Variants in AK1 observed in about 807,000 individuals in gnomAD.
AK1 encodes adenylate kinase isoenzyme 1.
Under a neutral mutation model 23.9 loss-of-function variants are expected in AK1, and 13 were observed. The ratio of observed to expected loss-of-function variants is 0.54; its 90% CI spans 0.35 to 0.86. AK1 has a LOEUF of 0.86. AK1 is among the 40% of genes least tolerant of loss of function. The pLI is 0.01. For synonymous variants in AK1, 97 were observed against 102.8 expected (o/e 0.94, Z 0.34); for missense variants, 214 against 255.1 (o/e 0.84, Z 1.10).
rs1405889239 is a variant in AK1 at position 127,875,175 on chromosome 9, A to G, written c.-32-526T>C. Reference sequence around the variant, plus strand: ...AGAGGCCTGGGGTGAAGGAATCTACAGGAGCCGCTCGCATGAACACAGCCC... The same window carrying G: ...AGAGGCCTGGGGTGAAGGAATCTACGGGAGCCGCTCGCATGAACACAGCCC... On this transcript the variant is annotated intron_variant, in intron 1 of 6. Coordinates refer to ENST00000644144, the MANE Select transcript of AK1 (RefSeq NM_000476.3). Among the ~76,000 whole-genome samples the G allele has an allele frequency of 2.0e-5, 3 of 152,084 alleles. No individual in the cohort carries two copies. In the East Asian group the frequency reaches 5.8e-4, roughly 29 times the overall value.
rs753177103 is a variant in AK1, at chr9:127,871,939, C to T, written c.208G>A (p.Glu70Lys). 2 of 1,613,318 alleles carry T rather than the reference C, an allele frequency of 1.2e-6. No homozygotes were observed. Among genetic ancestry groups the T allele is most frequent in the Non-Finnish European group, 1.7e-6 (2 of 1,179,382 alleles). The change falls in exon 5 of 7, where the codon GAG becomes AAG. Residue 70 changes from glutamate (E) to lysine (K), a missense_variant and splice_region_variant. By Grantham distance (56) the Glu-to-Lys change is moderately conservative (BLOSUM62 1). Coordinates refer to ENST00000644144, the MANE Select transcript of AK1 (RefSeq NM_000476.3). The surrounding 1 kb of genome is among the most constrained non-coding windows in gnomAD (Gnocchi z 4.4). The part of the protein sequence containing the change: ...IMEKGQLVPL[E>K]TVLDMLRDAM... ...TCCCGGAGCATGTCCAACACTGTCT[C>T]CTGGGGCACAGCAAAGGAGGAAGGG...
chr9:127,873,880 C>T, intron 2 of AK1: 1 of 985,392 alleles, frequency 1.0e-6, no homozygotes. Context: ...GTTCTCTGCC[C>T]CTTCCCCAGG....
Position 127,868,193 on chromosome 9 carries a change from C to T in AK1, c.517-117G>A. ...GAGCCCAACCTAATTGACAGCAGCC[C>T]CTCATTGAACCAGTGGGGAAACCAA... On this transcript the variant is annotated intron_variant, in intron 6 of 6. Transcript: ENST00000644144. This position sits in a 1 kb window ranked among gnomAD's most constrained non-coding sequence, Gnocchi z 4.1. 6.9e-7 allele frequency: 1 copy of T among 1,446,112 alleles called. No homozygotes were observed. The highest frequency in any genetic ancestry group is 2.4e-5 in the East Asian group (1 of 41,462). 89.6% of individuals were successfully genotyped at this position (1,446,112 alleles called of 1,614,324 possible). A position where few individuals can be genotyped will look rare whatever the true frequency, so the allele number is the denominator to read the frequency against.
chr9:127,874,238 C>A, intron 2 of AK1: 1 of 985,364 alleles, frequency 1.0e-6, no homozygotes, highest in Non-Finnish European at 1.2e-6. Flanking sequence ...TCAAGGCCCA[C>A]CCTCACTGGA....
chr9:127,879,100 C>CAG (rs1491480329), upstream of AK1, among the ~76,000 whole-genome samples: 418 of 145,972 alleles, frequency 2.9e-3, 2 homozygotes, highest in Admixed American at 6.9e-3. Context: ...CACACACACA[C>CAG]AGTCTTCAAA....
rs370906551 is a variant in AK1, at chr9:127,870,130, A to G, written c.325-1618T>C. 9.9e-5 allele frequency among the ~76,000 whole-genome samples: 15 copies of G among 151,908 alleles called. 1 individual carries two copies. In the East Asian group the frequency reaches 2.9e-3, roughly 29 times the overall value. On this transcript the variant is annotated intron_variant, in intron 5 of 6. Coordinates refer to ENST00000644144, the MANE Select transcript of AK1 (RefSeq NM_000476.3). ...AGCTGCCCGGACACCTGGAGGCCAC[A>G]GCAGGGATGGGACCAGGGCTGAGCC...
intron 1 of AK1, among the ~76,000 whole-genome samples, chr9:127,875,481 A>G (rs1374354442): frequency 7.7e-6 from 1 of 130,050 alleles, no homozygotes; most frequent in Non-Finnish European, 1.6e-5. Flanking sequence ...CCCCAAGGCC[A>G]CTCGCAACCA....
Position 127,868,600 on chromosome 9 carries a change from G to A in AK1, c.325-88C>T. 2 of 1,449,000 alleles carry A rather than the reference G, an allele frequency of 1.4e-6. No homozygotes were observed. The highest frequency in any genetic ancestry group is 9.4e-7 in the Non-Finnish European group (1 of 1,063,988). The allele number at this position is 1,449,000 out of a possible 1,614,324, so 89.8% of individuals were successfully genotyped here. On this transcript the variant is annotated intron_variant, in intron 5 of 6. Transcript: ENST00000644144. The surrounding 1 kb of genome is among the most constrained non-coding windows in gnomAD (Gnocchi z 4.1). ...TCTTCCCATCTATGAAGCCCCAGTA[G>A]ATACCCCCTCAGACCTTCAATCCCT...
Position 127,868,750 on chromosome 9 carries a change from G to A in AK1, c.325-238C>T, listed in dbSNP as rs990776518. 2.0e-5 allele frequency among the ~76,000 whole-genome samples: 3 copies of A among 152,152 alleles called. No homozygotes were observed. The highest frequency in any genetic ancestry group is 4.4e-5 in the Non-Finnish European group (3 of 68,020). On this transcript the variant is annotated intron_variant, in intron 5 of 6. Transcript: ENST00000644144. The surrounding 1 kb of genome is among the most constrained non-coding windows in gnomAD (Gnocchi z 4.1). ...CCACACTACTTGCCAGACTGAGAGA[G>A]CCTGACTCTCTCTGCTCTAGGCTCT...
chr9:127,870,835 G>GCATGGGGATGGGA (rs1829386389), intron 5 of AK1, among the ~76,000 whole-genome samples: 2 of 70,088 alleles, frequency 2.9e-5, no homozygotes, highest in African/African-American at 8.2e-5. Context: ...TGGGAATGGG[G>GCATGGGGATGGGA]CATGGGGATG....
Position 127,866,729 on chromosome 9 carries a change from G to C in AK1, c.*1279C>G, listed in dbSNP as rs1331126718. The C allele has an allele frequency of 1.3e-5, 2 of 152,368 alleles. No individual in the cohort carries two copies. Among genetic ancestry groups the C allele is most frequent in the South Asian group, 2.1e-4 (1 of 4,822 alleles). The allele number at this position is 152,368 out of a possible 1,614,324, so 9.4% of individuals were successfully genotyped here. On this transcript the variant is annotated 3_prime_UTR_variant, in exon 7 of 7. Transcript: ENST00000644144. Reference sequence around the variant, plus strand: ...TCAAAAAATGAAAGCGCGCAGGAAGGGTTCTCCCCAGGGGATTCTGGGGTG... The same window carrying C: ...TCAAAAAATGAAAGCGCGCAGGAAGCGTTCTCCCCAGGGGATTCTGGGGTG...
Position 127,868,601 on chromosome 9 carries a change from A to C in AK1, c.325-89T>G. The C allele has an allele frequency of 3.5e-6, 5 of 1,440,210 alleles. No individual in the cohort carries two copies. The highest frequency in any genetic ancestry group is 4.7e-6 in the Non-Finnish European group (5 of 1,056,416). 89.2% of individuals were successfully genotyped at this position (1,440,210 alleles called of 1,614,324 possible). On this transcript the variant is annotated intron_variant, in intron 5 of 6. Coordinates refer to ENST00000644144, the MANE Select transcript of AK1 (RefSeq NM_000476.3). This position sits in a 1 kb window ranked among gnomAD's most constrained non-coding sequence, Gnocchi z 4.1. Reference sequence around the variant, plus strand: ...CTTCCCATCTATGAAGCCCCAGTAGATACCCCCTCAGACCTTCAATCCCTT... The same window carrying C: ...CTTCCCATCTATGAAGCCCCAGTAGCTACCCCCTCAGACCTTCAATCCCTT...
At chr9:127,874,503 C>G in intron 2 of AK1, 108 bp downstream of exon 2, 1 of 1,608,142 alleles carries the variant, frequency 6.2e-7, no homozygotes. Context: ...TCCGGCAGCC[C>G]CAGAGCCTCC....
At chr9:127,875,137 T>A (rs1665543692) in intron 1 of AK1, 1 of 217,260 alleles carries the variant, frequency 4.6e-6, no homozygotes, top group Non-Finnish European at 9.4e-6. Flanking sequence ...TGGATGGGGA[T>A]CCTCTAAGGG....
chr9:127,876,279 T>C (rs1174265542), intron 1 of AK1, among the ~76,000 whole-genome samples: 1 of 152,204 alleles, frequency 6.6e-6, no homozygotes, highest in Non-Finnish European at 1.5e-5. Flanking sequence ...TGGGCCCCTC[T>C]TCTGTGCTGC....
chr9:127,874,490 C>T, intron 2 of AK1, 121 bp downstream of exon 2: 1 of 1,603,880 alleles, frequency 6.2e-7, no homozygotes, highest in Non-Finnish European at 8.5e-7. Context: ...CAGCCAGGCC[C>T]CCTCCGGCAG....
intron 4 of AK1, 107 bp downstream of exon 4, chr9:127,872,583 G>T: frequency 1.4e-6 from 2 of 1,457,976 alleles, no homozygotes; most frequent in Non-Finnish European, 1.9e-6. Context: ...GGAGCCGGGG[G>T]CGGTTACGGT....
intron 2 of AK1, chr9:127,873,633 C>G: frequency 2.8e-6 from 4 of 1,409,848 alleles, no homozygotes; most frequent in Non-Finnish European, 3.7e-6. Flanking sequence ...GGGCGGTGAG[C>G]TTGGCTCCAA....
chr9:127,871,782 G>T lies in AK1; in HGVS notation c.324+41C>A. On this transcript the variant is annotated intron_variant, in intron 5 of 6. Coordinates refer to ENST00000644144, the MANE Select transcript of AK1 (RefSeq NM_000476.3). The surrounding 1 kb of genome is among the most constrained non-coding windows in gnomAD (Gnocchi z 4.4). ...CCCATGGGGATGGGAGTCTTATCCT[G>T]CCCCAGCCCACCAGGATCCCCACTT... 6.4e-7 allele frequency: 1 copy of T among 1,567,406 alleles called. No homozygotes were observed. The highest frequency in any genetic ancestry group is 8.8e-7 in the Non-Finnish European group (1 of 1,138,262).
Sources: allele counts gnomAD v4.1 joint callset (sites outside exome capture counted in the v4.1 genomes callset), GRCh38; gene constraint gnomAD v4.1.1; non-coding constraint Gnocchi (gnomAD v3.1); transcripts MANE v1.5; gene names NCBI Gene and HGNC (gene_info 2026-07-23, HGNC 2026-07-21).